The following DNAH8 variants were observed in gnomAD, a reference collection of about 807,000 sequenced individuals.
DNAH8 encodes the protein axonemal beta dynein heavy chain 8.
Under a neutral mutation model 562.1 loss-of-function variants are expected in DNAH8, and 382 were observed. That is an observed-to-expected ratio of 0.68 (90% CI 0.63 to 0.74). DNAH8 has a LOEUF of 0.74. DNAH8 is among the 30% of genes least tolerant of loss of function. The pLI is 0.00. For missense variants in DNAH8, 5,203 were observed against 5,620.4 expected, an observed-to-expected ratio of 0.93 and a Z score of 2.37; for synonymous variants, 1,881 against 1,919.4, an observed-to-expected ratio of 0.98 and a Z score of 0.52.
intron 33 of DNAH8, among the ~76,000 whole-genome samples, chr6:38,841,819 GCAGTCCTTT>G (rs1022660340): frequency 3.3e-5 from 5 of 152,156 alleles, no homozygotes; most frequent in African/African-American, 1.2e-4. Context: ...CTGGGCTCAA[GCAGTCCTTT>G]CACATCAGCC....
chr6:38,816,731 A>C (rs1772316031), intron 26 of DNAH8, among the ~76,000 whole-genome samples: 1 of 152,190 alleles, frequency 6.6e-6, no homozygotes. Context: ...ATTTCTCCAC[A>C]GCCTTGCCAG....
intron 3 of DNAH8, among the ~76,000 whole-genome samples, chr6:38,727,343 C>T (rs545270498): frequency 6.6e-6 from 1 of 152,338 alleles, no homozygotes; most frequent in East Asian, 1.9e-4. Flanking sequence ...GAATCTATCA[C>T]CTGGGCTCCC....
chr6:38,849,707 T>C (rs1775589650), intron 37 of DNAH8, among the ~76,000 whole-genome samples: 1 of 152,152 alleles, frequency 6.6e-6, no homozygotes, highest in African/African-American at 2.4e-5. Context: ...TGCCAATTGC[T>C]AGAGGCATTT....
At chr6:38,826,491 A>T (rs1433665630) in intron 29 of DNAH8, 100 bp downstream of exon 29, 7 of 768,128 alleles carry the variant, frequency 9.1e-6, no homozygotes, top group Non-Finnish European at 1.5e-5. Context: ...TTCATCTATT[A>T]TGTAGCACAG....
rs1777930811 is a variant in DNAH8, at chr6:38,875,551, A to T, written c.7621-40A>T. ...TTATTTACAATTTTTTATTTTCAAA[A>T]TTTTAATTTAAAAATTTATTTTATT... On this transcript the variant is annotated intron_variant, in intron 52 of 92. Transcript: ENST00000327475. 4 of 1,240,604 alleles carry T rather than the reference A, an allele frequency of 3.2e-6. No homozygotes were observed. The South Asian group carries it at 5.0e-5, about 16-fold the overall frequency. 76.8% of individuals were successfully genotyped at this position (1,240,604 alleles called of 1,614,324 possible). A position where few individuals can be genotyped will look rare whatever the true frequency, so the allele number is the denominator to read the frequency against.
At chr6:38,748,730 G>T (rs1000657205) in intron 8 of DNAH8, among the ~76,000 whole-genome samples, 2 of 147,796 alleles carry the variant, frequency 1.4e-5, no homozygotes, top group African/African-American at 5.0e-5. Flanking sequence ...CTCCAGCCTG[G>T]GTGACAGAGC....
chr6:38,806,344 GA>G (rs1016970461), intron 23 of DNAH8, among the ~76,000 whole-genome samples: 4 of 152,062 alleles, frequency 2.6e-5, no homozygotes, highest in Non-Finnish European at 5.9e-5. Flanking sequence ...CTTGCTCAAG[GA>G]TGATATTGCC....
In DNAH8 at chr6:38,819,517, G is replaced by A. The variant is rs531924817; in HGVS notation, c.3524-3321G>A. On this transcript the variant is annotated intron_variant, in intron 26 of 92. Coordinates refer to ENST00000327475, the MANE Select transcript of DNAH8 (RefSeq NM_001206927.2). ...TTAAATACAGCCTCCTATCAAACTA[G>A]GAATAAGACAGATTTTCCAATAATG... 1.9e-4 allele frequency among the ~76,000 whole-genome samples: 29 copies of A among 151,948 alleles called. No homozygotes were observed. In the South Asian group the frequency reaches 5.4e-3, roughly 28 times the overall value.
rs543341240 is a variant in DNAH8, at chr6:38,933,455, G to A, written c.11457+1462G>A. ...GGAGACCAAAGAAAATAAGGGTCTC[G>A]GTCTGTAACAGCACATGGACTTTGC... is the stretch of plus-strand genomic sequence containing the variant. On this transcript the variant is annotated intron_variant, in intron 76 of 92. Coordinates refer to ENST00000327475, the MANE Select transcript of DNAH8 (RefSeq NM_001206927.2). 2.4e-4 allele frequency among the ~76,000 whole-genome samples: 36 copies of A among 152,068 alleles called. No individual in the cohort carries two copies. In the South Asian group the frequency reaches 5.4e-3, roughly 23 times the overall value.
chr6:38,889,650 G>A (rs1296314732), intron 57 of DNAH8, among the ~76,000 whole-genome samples: 3 of 152,196 alleles, frequency 2.0e-5, no homozygotes, highest in African/African-American at 7.2e-5. Context: ...GTGCTTGGCA[G>A]ATGGGTGTTG....
intron 4 of DNAH8, among the ~76,000 whole-genome samples, chr6:38,734,251 T>C (rs1242436897): frequency 7.1e-6 from 1 of 140,664 alleles, no homozygotes; most frequent in Non-Finnish European, 1.5e-5. Context: ...ACTACTGCAC[T>C]CCAGCCTGGG....
At chr6:38,934,354 A>G (rs1782783372) in intron 76 of DNAH8, among the ~76,000 whole-genome samples, 1 of 152,160 alleles carries the variant, frequency 6.6e-6, no homozygotes, top group Admixed American at 6.5e-5. Context: ...CTCCATCTCA[A>G]AAAAACAAAA....
rs576269739 is a variant in DNAH8 at position 38,765,891 on chromosome 6, G to A, written c.1617+4088G>A. 1.2e-3 allele frequency among the ~76,000 whole-genome samples: 184 copies of A among 152,236 alleles called. 2 individuals carry two copies. The highest frequency in any genetic ancestry group is 4.3e-3 in the African/African-American group (178 of 41,544). On this transcript the variant is annotated intron_variant, in intron 11 of 92. Transcript: ENST00000327475. ...GAATGTAAATTAGTGTAGCCATTAT[G>A]AAACATAGTATAGAGGTTCCCCCCA...
chr6:38,806,591 C>T lies in DNAH8; in HGVS notation c.3150+995C>T, dbSNP rs111536799. Among the ~76,000 whole-genome samples the T allele has an allele frequency of 8.6e-4, 131 of 152,134 alleles. 2 individuals are homozygous for T. The highest frequency in any genetic ancestry group is 3.0e-3 in the African/African-American group (125 of 41,464). ...GGATCACTGGAGCTGTGCTAGTGGT[C>T]ACCTCATAAATAGCCTCTGCCTCGC... On this transcript the variant is annotated intron_variant, in intron 23 of 92. Transcript: ENST00000327475.
chr6:38,863,551 C>T (rs1237106411), intron 44 of DNAH8, among the ~76,000 whole-genome samples: 2 of 152,274 alleles, frequency 1.3e-5, no homozygotes, highest in South Asian at 2.1e-4. Flanking sequence ...CAAACAACTT[C>T]GACCTATCCT....
At chr6:38,865,060 T>C (rs750965454) in intron 45 of DNAH8, among the ~76,000 whole-genome samples, 1 of 152,206 alleles carries the variant, frequency 6.6e-6, no homozygotes, top group Non-Finnish European at 1.5e-5. Context: ...TGAGATTCAG[T>C]GTTGTAAAGA....
Position 38,845,706 on chromosome 6 carries a change from G to A in DNAH8, c.4978G>A (p.Glu1660Lys), listed in dbSNP as rs142959082. 3.8e-5 allele frequency: 61 copies of A among 1,613,922 alleles called. No individual in the cohort carries two copies. Among genetic ancestry groups the A allele is most frequent in the African/African-American group, 1.1e-4 (8 of 75,004 alleles). Residue 1660 changes from glutamate (E) to lysine (K), a missense_variant, in exon 36 of 93, where the codon GAA (glutamate) becomes AAA (lysine). This residue lies in a region of DNAH8 where 2,176 missense variants were observed against 2,365.1 expected (regional missense o/e 0.92). Coordinates refer to ENST00000327475, the MANE Select transcript of DNAH8 (RefSeq NM_001206927.2). ...GKGELLLKGT[E>K]SGEIITLMED... ...AGGAGAGCTCCTGCTCAAAGGAACC[G>A]AATCGGGAGAAATTATCACTTTGAT... is the stretch of plus-strand genomic sequence containing the variant.
chr6:38,904,792 C>CAA (rs759782655), intron 62 of DNAH8, among the ~76,000 whole-genome samples: 12,058 of 85,978 alleles, frequency 0.14, 953 homozygotes, highest in South Asian at 0.31. Context: ...AACTCCGTCT[C>CAA]AAAAAAAAAA....
intron 81 of DNAH8, 119 bp from the exon 82 acceptor site, chr6:38,951,199 G>A (rs1761878515): frequency 4.8e-6 from 4 of 833,706 alleles, no homozygotes; most frequent in East Asian, 2.5e-5. Flanking sequence ...ACTTAGATGT[G>A]GAAAAGTAGG....
Sources: gnomAD v4.1 joint callset for allele counts (sites outside exome capture counted in the v4.1 genomes callset) on GRCh38, gnomAD v4.1.1 for gene constraint, gnomAD v4.1.1 regional missense constraint, MANE v1.5 for transcripts, NCBI Gene and HGNC (gene_info 2026-07-23, HGNC 2026-07-21) for gene names.